Variants in RFX4 observed in about 807,000 individuals in gnomAD.
The protein encoded by RFX4 is regulatory factor X4.
In RFX4, 10 loss-of-function variants were observed where a neutral mutation model predicts 95.0. The ratio of observed to expected loss-of-function variants is 0.11; its 90% CI spans 0.06 to 0.18. The LOEUF (loss-of-function observed/expected upper bound fraction) is 0.18, where lower values mean the gene tolerates loss of function less well. Among genes scored for constraint, RFX4 ranks in the 10% least tolerant of loss-of-function variants. RFX4 has a pLI of 1.00. For synonymous variants in RFX4, 321 were observed against 340.7 expected, an observed-to-expected ratio of 0.94 and a Z score of 0.64; for missense variants, 640 against 922.0, an observed-to-expected ratio of 0.69 and a Z score of 3.96.
intron 15 of RFX4, among the ~76,000 whole-genome samples, chr12:106,745,443 C>A (rs1566004014): frequency 6.6e-6 from 1 of 152,208 alleles, no homozygotes; most frequent in South Asian, 2.1e-4. Flanking sequence ...CCAAAGGGTT[C>A]TTTTAACAAT....
Position 106,648,625 on chromosome 12 carries a change from G to GT in RFX4, c.192-5603_192-5602insT, listed in dbSNP as rs1314607848. On this transcript the variant is annotated intron_variant, in intron 3 of 17. Transcript: ENST00000392842. ...TCTGTAAAAAAAAAAAATCCTGTGGGGTTTTTTTTTTTTTTTTTTGGTAAA... is the reference window on the plus strand; with the variant it reads ...TCTGTAAAAAAAAAAAATCCTGTGGGTGTTTTTTTTTTTTTTTTTTGGTAAA... 8.8e-3 allele frequency among the ~76,000 whole-genome samples: 1,292 copies of GT among 146,234 alleles called. 18 individuals carry two copies. The highest frequency in any genetic ancestry group is 0.012 in the Non-Finnish European group (815 of 65,462).
In RFX4 at chr12:106,590,010, C is replaced by A. The variant is rs75569285; in HGVS notation, c.43+6647C>A. 1.8e-3 allele frequency among the ~76,000 whole-genome samples: 271 copies of A among 152,342 alleles called. 4 individuals are homozygous for A. The East Asian group carries it at 0.048, about 27-fold the overall frequency. On this transcript the variant is annotated intron_variant, in intron 1 of 17. Transcript: ENST00000392842. ...ATACTGGGCTTAACAAAAATGTCAT[C>A]TTTGCTTCCCTAGAGCATAAGTTCT...
rs1338509649 is a variant in RFX4, at chr12:106,712,702, G to T, written c.993+1191G>T. On this transcript the variant is annotated intron_variant, in intron 10 of 17. Transcript: ENST00000392842. ...CAGATTCATGCAGGCTGCTACAGAG[G>T]CTACACCTGGGCATTGTTCTGGTGA... 2.0e-5 allele frequency among the ~76,000 whole-genome samples: 3 copies of T among 152,150 alleles called. No homozygotes were observed. In the South Asian group the frequency reaches 6.2e-4, roughly 32 times the overall value.
In RFX4 at chr12:106,681,979, G is replaced by A. The variant is rs773446302; in HGVS notation, c.316-14G>A. ...TCTTCCCAATGGGTAACTGATTCTT[G>A]TGTTGACTTACAGATCATAAGGCAG... On this transcript the variant is annotated splice_polypyrimidine_tract_variant and intron_variant, in intron 4 of 17. Transcript: ENST00000392842. The A allele has an allele frequency of 1.5e-5, 25 of 1,613,966 alleles. No homozygotes were observed. The highest frequency in any genetic ancestry group is 2.1e-5 in the Non-Finnish European group (25 of 1,179,958).
chr12:106,617,458 T>G (rs1291389628), intron 2 of RFX4, among the ~76,000 whole-genome samples: 1 of 152,230 alleles, frequency 6.6e-6, no homozygotes, highest in Non-Finnish European at 1.5e-5. Flanking sequence ...TTAAACATAT[T>G]TTCAATTTTT....
intron 15 of RFX4, among the ~76,000 whole-genome samples, chr12:106,746,368 A>T (rs2042895600): frequency 6.6e-6 from 1 of 151,572 alleles, no homozygotes; most frequent in African/African-American, 2.4e-5. Context: ...AAAAAAAAAA[A>T]AAAAAAATTA....
At chr12:106,597,045 A>G (rs947779371) in intron 1 of RFX4, among the ~76,000 whole-genome samples, 1 of 152,142 alleles carries the variant, frequency 6.6e-6, no homozygotes, top group East Asian at 1.9e-4. Flanking sequence ...ATCCCTTACT[A>G]TGTGCTAGGC....
intron 2 of RFX4, among the ~76,000 whole-genome samples, chr12:106,616,355 T>G (rs1050839590): frequency 6.6e-6 from 1 of 152,172 alleles, no homozygotes; most frequent in Non-Finnish European, 1.5e-5. Context: ...GGGTGTGATT[T>G]TTATATATTT....
chr12:106,597,411 G>T (rs1445713639), intron 1 of RFX4, among the ~76,000 whole-genome samples: 1 of 152,158 alleles, frequency 6.6e-6, no homozygotes. Flanking sequence ...GAATCAAACA[G>T]GAAAGGTGAT....
intron 8 of RFX4, among the ~76,000 whole-genome samples, chr12:106,707,216 T>C (rs766244943): frequency 6.6e-6 from 1 of 151,926 alleles, no homozygotes; most frequent in Non-Finnish European, 1.5e-5. Flanking sequence ...TGATGAAAAA[T>C]AGAGTTCATA....
intron 4 of RFX4, among the ~76,000 whole-genome samples, chr12:106,657,973 C>A (rs1160548967): frequency 6.6e-6 from 1 of 152,022 alleles, no homozygotes; most frequent in African/African-American, 2.4e-5. Flanking sequence ...TATGTATACA[C>A]CTACCATGTG....
intron 13 of RFX4, among the ~76,000 whole-genome samples, chr12:106,724,926 C>T (rs1406215376): frequency 1.3e-5 from 2 of 151,294 alleles, no homozygotes; most frequent in Non-Finnish European, 1.5e-5. Flanking sequence ...GCAGGAGAAT[C>T]GCTTGAACCC....
intron 8 of RFX4, among the ~76,000 whole-genome samples, chr12:106,705,250 C>G (rs1455979471): frequency 2.6e-5 from 4 of 152,198 alleles, no homozygotes; most frequent in Non-Finnish European, 5.9e-5. Context: ...CTGCTGTTAT[C>G]ACCGTTGTTG....
At chr12:106,633,525 A>G (rs1299770093) in intron 2 of RFX4, among the ~76,000 whole-genome samples, 1 of 152,212 alleles carries the variant, frequency 6.6e-6, no homozygotes, top group Non-Finnish European at 1.5e-5. Context: ...AACTGTATCT[A>G]GTTCTTAACA....
At chr12:106,691,493 T>G (rs1454271141) in intron 7 of RFX4, among the ~76,000 whole-genome samples, 1 of 152,216 alleles carries the variant, frequency 6.6e-6, no homozygotes, top group Non-Finnish European at 1.5e-5. Context: ...GGGAGACATT[T>G]TACCTCTGAT....
At chr12:106,714,022 A>G (rs1205621470) in intron 10 of RFX4, among the ~76,000 whole-genome samples, 1 of 141,786 alleles carries the variant, frequency 7.1e-6, no homozygotes, top group Non-Finnish European at 1.5e-5. Context: ...GTGAGCCAAG[A>G]TCGCCACTGC....
At chr12:106,665,101 T>C (rs2041149623) in intron 4 of RFX4, among the ~76,000 whole-genome samples, 1 of 151,896 alleles carries the variant, frequency 6.6e-6, no homozygotes, top group African/African-American at 2.4e-5. Flanking sequence ...TTTCCAACAG[T>C]GATACTGGAT....
At chr12:106,648,804 A>G (rs928958324) in intron 3 of RFX4, among the ~76,000 whole-genome samples, 3 of 152,134 alleles carry the variant, frequency 2.0e-5, no homozygotes, top group Non-Finnish European at 4.4e-5. Context: ...CTCTGCATAT[A>G]CATATAAGAA....
At chr12:106,659,513 T>C (rs552638707) in intron 4 of RFX4, among the ~76,000 whole-genome samples, 11 of 152,334 alleles carry the variant, frequency 7.2e-5, no homozygotes, top group African/African-American at 2.6e-4. Flanking sequence ...TTTTAACAGA[T>C]GGTAGAAGTG....
Sources: allele counts gnomAD v4.1 joint callset (sites outside exome capture counted in the v4.1 genomes callset), GRCh38; gene constraint gnomAD v4.1.1; transcripts MANE v1.5; gene names NCBI Gene and HGNC (gene_info 2026-07-23, HGNC 2026-07-21).